The following MATCAP2 variants were observed in gnomAD, a reference collection of about 807,000 sequenced individuals.
MATCAP2 encodes the protein putative tyrosine carboxypeptidase MATCAP2.
chr7:36,328,910 G>A, the MATCAP2 span, among the ~76,000 whole-genome samples: 1 of 152,126 alleles, frequency 6.6e-6, no homozygotes, highest in African/African-American at 2.4e-5. Context: ...GGGTGTGGTG[G>A]TGGATGCCTG....
At chr7:36,346,128 G>C in the MATCAP2 span, among the ~76,000 whole-genome samples, 1 of 150,580 alleles carries the variant, frequency 6.6e-6, no homozygotes, top group East Asian at 1.9e-4. Context: ...ATGTCTATAG[G>C]AAAAAAAAAG....
At chr7:36,367,207 C>T in the MATCAP2 span, 1 of 1,172,022 alleles carries the variant, frequency 8.5e-7, no homozygotes, top group Non-Finnish European at 1.1e-6. Context: ...AACCTGCCAC[C>T]GTGACGTAGC....
At chr7:36,388,518 T>G in the MATCAP2 span, among the ~76,000 whole-genome samples, 1 of 152,370 alleles carries the variant, frequency 6.6e-6, no homozygotes, top group Non-Finnish European at 1.5e-5. Context: ...TTGGGAGGAA[T>G]AGTTCTGTTT....
At chr7:36,383,730 T>C in the MATCAP2 span, 7 of 574,714 alleles carry the variant, frequency 1.2e-5, no homozygotes, top group Non-Finnish European at 2.1e-5. Flanking sequence ...GGTTGATGGG[T>C]TCAGCAAACC....
chr7:36,382,979 AT>A, the MATCAP2 span, among the ~76,000 whole-genome samples: 1 of 152,204 alleles, frequency 6.6e-6, no homozygotes, highest in South Asian at 2.1e-4. Flanking sequence ...AGTTGTATGC[AT>A]TTTGAGATTA....
the MATCAP2 span, among the ~76,000 whole-genome samples, chr7:36,379,847 C>CACACAGAGAGAGAGAGAGAGAGAGAG: frequency 2.8e-5 from 3 of 107,694 alleles, no homozygotes; most frequent in East Asian, 6.0e-4. Flanking sequence ...CACACACACA[C>CACACAGAGAGAGAGAGAGAGAGAGAG]AGAGAGAGAG....
chr7:36,364,562 C>A, the MATCAP2 span, among the ~76,000 whole-genome samples: 39 of 152,160 alleles, frequency 2.6e-4, no homozygotes, highest in Non-Finnish European at 4.1e-4. Context: ...TAAAATGAGT[C>A]TGTTCTATAT....
the MATCAP2 span, chr7:36,326,967 A>G: frequency 6.6e-7 from 1 of 1,513,354 alleles, no homozygotes; most frequent in Non-Finnish European, 9.0e-7. Context: ...TACAATGTAC[A>G]TTTTAAGGAT....
the MATCAP2 span, among the ~76,000 whole-genome samples, chr7:36,385,870 G>A: frequency 1.3e-5 from 2 of 149,090 alleles, no homozygotes; most frequent in African/African-American, 4.9e-5. Context: ...AGAAAGAACT[G>A]TTGGGTAGGC....
chr7:36,380,280 T>C, the MATCAP2 span, among the ~76,000 whole-genome samples: 1 of 152,064 alleles, frequency 6.6e-6, no homozygotes, highest in Non-Finnish European at 1.5e-5. Flanking sequence ...CTAAGCAAAG[T>C]GGGTGGTAAG....
the MATCAP2 span, among the ~76,000 whole-genome samples, chr7:36,350,060 A>G: frequency 6.6e-6 from 1 of 152,268 alleles, no homozygotes; most frequent in Non-Finnish European, 1.5e-5. Flanking sequence ...AGGAAAAGGT[A>G]TAATTTAAAG....
At chr7:36,368,931 C>A in the MATCAP2 span, among the ~76,000 whole-genome samples, 98 of 152,294 alleles carry the variant, frequency 6.4e-4, no homozygotes, top group East Asian at 8.3e-3. Context: ...GTGAGCCCTT[C>A]CCTGGCCACT....
chr7:36,346,826 T>A, the MATCAP2 span, among the ~76,000 whole-genome samples: 2 of 152,206 alleles, frequency 1.3e-5, no homozygotes, highest in Non-Finnish European at 2.9e-5. Flanking sequence ...AGTGGCACGA[T>A]CTTGGCTTAC....
the MATCAP2 span, among the ~76,000 whole-genome samples, chr7:36,372,742 G>C: frequency 6.6e-6 from 1 of 152,112 alleles, no homozygotes; most frequent in South Asian, 2.1e-4. Context: ...TTATATACAA[G>C]GTAAAAAGAT....
chr7:36,339,654 A>G, the MATCAP2 span, among the ~76,000 whole-genome samples: 1 of 152,364 alleles, frequency 6.6e-6, no homozygotes, highest in Non-Finnish European at 1.5e-5. Context: ...GCAGATTAGC[A>G]TACTTTGCAT....
chr7:36,373,411 T>C, the MATCAP2 span, among the ~76,000 whole-genome samples: 15 of 152,062 alleles, frequency 9.9e-5, no homozygotes, highest in Admixed American at 9.2e-4. Context: ...ACTTGAAGAA[T>C]AAGAGTCGGA....
chr7:36,355,112 T>G, the MATCAP2 span: 1 of 152,188 alleles, frequency 6.6e-6, no homozygotes, highest in South Asian at 2.1e-4. Flanking sequence ...AAATTTATAT[T>G]TGTGAAAGCC....
At chr7:36,356,708 A>G in the MATCAP2 span, 4 of 610,668 alleles carry the variant, frequency 6.6e-6, no homozygotes, top group Non-Finnish European at 1.2e-5. Context: ...CAGATTATAA[A>G]TTTTGATGAA....
chr7:36,373,389 C>A, the MATCAP2 span, among the ~76,000 whole-genome samples: 1 of 152,076 alleles, frequency 6.6e-6, no homozygotes, highest in African/African-American at 2.4e-5. Flanking sequence ...ACTTGAAGAA[C>A]AAATGTCAGC....
Sources: gnomAD v4.1 joint callset for allele counts (sites outside exome capture counted in the v4.1 genomes callset) on GRCh38, gnomAD v4.1.1 for gene constraint, MANE v1.5 for transcripts, NCBI Gene and HGNC (gene_info 2026-07-23, HGNC 2026-07-21) for gene names.